Variants in IKZF1 observed in about 807,000 individuals in gnomAD.
IKZF1 encodes the protein IKAROS family zinc finger 1.
IKZF1 carries 10 observed loss-of-function variants against 51.7 expected under a neutral mutation model. The observed-to-expected ratio is 0.19, with a 90% confidence interval of 0.12 to 0.33. The LOEUF (loss-of-function observed/expected upper bound fraction) is 0.33, where lower values mean the gene tolerates loss of function less well. Ranked by LOEUF, IKZF1 falls within the 10% of genes least tolerant of loss-of-function variation. IKZF1 has a pLI of 1.00. For missense variants in IKZF1, 484 were observed against 707.5 expected (o/e 0.68, Z 3.58); for synonymous variants, 280 against 282.3 (o/e 0.99, Z 0.08).
At chr7:50,375,161 A>G (rs1201602732) in intron 3 of IKZF1, among the ~76,000 whole-genome samples, 3 of 152,286 alleles carry the variant, frequency 2.0e-5, no homozygotes, top group South Asian at 4.1e-4. Context: ...GTGGCTCACA[A>G]CTGTAATCTC....
intron 4 of IKZF1, among the ~76,000 whole-genome samples, chr7:50,380,925 G>A (rs1340744544): frequency 6.6e-6 from 1 of 152,118 alleles, no homozygotes; most frequent in Non-Finnish European, 1.5e-5. Flanking sequence ...TAGTTAGTTT[G>A]TTTCACCATC....
intron 3 of IKZF1, among the ~76,000 whole-genome samples, chr7:50,358,502 A>G (rs1247362210): frequency 2.0e-5 from 3 of 152,188 alleles, no homozygotes; most frequent in Non-Finnish European, 4.4e-5. Context: ...CTCCAGCTGT[A>G]TGGTGACATG....
intron 3 of IKZF1, among the ~76,000 whole-genome samples, chr7:50,339,331 A>G (rs1798532039): frequency 1.3e-5 from 2 of 151,666 alleles, no homozygotes; most frequent in Admixed American, 6.6e-5. Context: ...GTCCAACAGA[A>G]GAGTTGGTTC....
intron 3 of IKZF1, among the ~76,000 whole-genome samples, chr7:50,335,319 G>T (rs1198166516): frequency 2.8e-5 from 4 of 140,778 alleles, no homozygotes; most frequent in African/African-American, 1.1e-4. Context: ...GTGGTATGTG[G>T]TGTGTATGTG....
At position 50,311,470 on chromosome 7, in the gene IKZF1, C is replaced by A. The variant is rs1160107131; in HGVS notation, c.-15+6548C>A. On this transcript the variant is annotated intron_variant, in intron 1 of 7. Coordinates refer to ENST00000331340, the MANE Select transcript of IKZF1 (RefSeq NM_006060.6). ...ATGTGTCCTCAGTGGGCCAATCAAT[C>A]AATCATGACTTCAGGTTATTTTTAA... Among the ~76,000 whole-genome samples, 4 of 152,284 alleles carry A rather than the reference C, an allele frequency of 2.6e-5. No individual in the cohort carries two copies. In the East Asian group the frequency reaches 7.7e-4, roughly 29 times the overall value.
intron 2 of IKZF1, among the ~76,000 whole-genome samples, chr7:50,325,844 A>G (rs1043091166): frequency 3.3e-5 from 5 of 152,038 alleles, no homozygotes; most frequent in Non-Finnish European, 5.9e-5. Context: ...CCAAGGCTTT[A>G]GCATAACATG....
chr7:50,367,202 A>G (rs534090372), intron 3 of IKZF1, among the ~76,000 whole-genome samples: 2 of 152,316 alleles, frequency 1.3e-5, no homozygotes, highest in Admixed American at 1.3e-4. Context: ...AGGTCACCTC[A>G]GAGTCTTTAC....
At chr7:50,342,867 G>C (rs964741496) in intron 3 of IKZF1, among the ~76,000 whole-genome samples, 5 of 152,200 alleles carry the variant, frequency 3.3e-5, no homozygotes, top group Admixed American at 3.3e-4. Flanking sequence ...AGGAGACAGC[G>C]TGTGCTCCTG....
intron 3 of IKZF1, among the ~76,000 whole-genome samples, chr7:50,347,842 G>A (rs1383505221): frequency 6.6e-6 from 1 of 152,162 alleles, no homozygotes; most frequent in Admixed American, 6.5e-5. Context: ...GGAAACCAGG[G>A]AGAAAGTGTG....
chr7:50,387,243 T>G (rs1014144741), intron 5 of IKZF1, 102 bp from the exon 6 acceptor site: 73 of 1,408,018 alleles, frequency 5.2e-5, no homozygotes, highest in Non-Finnish European at 6.3e-5. Flanking sequence ...AGGGTAGAAT[T>G]TTTTTTTTAA....
intron 3 of IKZF1, among the ~76,000 whole-genome samples, chr7:50,343,504 A>G (rs1030746396): frequency 3.9e-5 from 6 of 152,166 alleles, no homozygotes; most frequent in Non-Finnish European, 8.8e-5. Context: ...AAGAGTCACA[A>G]CTACACAAAT....
intron 3 of IKZF1, among the ~76,000 whole-genome samples, chr7:50,342,883 G>A (rs1243919757): frequency 6.6e-6 from 1 of 152,210 alleles, no homozygotes; most frequent in Non-Finnish European, 1.5e-5. Context: ...TCCTGTGGCG[G>A]CTGCATTTCC....
rs749089586 is a variant in IKZF1, at chr7:50,368,132, C to T, written c.161-8401C>T. 8 of 703,300 alleles carry T rather than the reference C, an allele frequency of 1.1e-5. No homozygotes were observed. Among genetic ancestry groups the T allele is most frequent in the African/African-American group, 1.7e-5 (1 of 57,162 alleles). The allele number at this position is 703,300 out of a possible 1,614,324, so 43.6% of individuals were successfully genotyped here. A position where few individuals can be genotyped will look rare whatever the true frequency, so the allele number is the denominator to read the frequency against. The stretch of plus-strand genomic sequence containing the variant: ...CATCTCCTATCATGTAAATATCGTA[C>T]GTGCATGTTCCTTCATCAACCCCCG... On this transcript the variant is annotated intron_variant, in intron 3 of 7. Coordinates refer to ENST00000331340, the MANE Select transcript of IKZF1 (RefSeq NM_006060.6).
At chr7:50,340,593 G>A (rs1290520099) in intron 3 of IKZF1, among the ~76,000 whole-genome samples, 1 of 152,226 alleles carries the variant, frequency 6.6e-6, no homozygotes, top group Non-Finnish European at 1.5e-5. Flanking sequence ...TCTACAGGCA[G>A]CTATATGATC....
At chr7:50,332,375 A>G (rs1486900465) in intron 3 of IKZF1, among the ~76,000 whole-genome samples, 1 of 152,172 alleles carries the variant, frequency 6.6e-6, no homozygotes, top group Non-Finnish European at 1.5e-5. Flanking sequence ...ATTAACCAAG[A>G]GTCCTCAGCC....
At chr7:50,356,799 T>C (rs1474080933) in intron 3 of IKZF1, among the ~76,000 whole-genome samples, 1 of 152,124 alleles carries the variant, frequency 6.6e-6, no homozygotes, top group Non-Finnish European at 1.5e-5. Flanking sequence ...GAAACCCAGT[T>C]ACAAGATGAC....
intron 7 of IKZF1, 124 bp from the exon 8 acceptor site, chr7:50,399,794 G>T (rs1474228113): frequency 1.4e-6 from 2 of 1,412,872 alleles, no homozygotes; most frequent in Non-Finnish European, 1.9e-6. Context: ...GGGTCCGCAG[G>T]CGTGCTGGGC....
At chr7:50,375,282 G>A (rs1408411797) in intron 3 of IKZF1, among the ~76,000 whole-genome samples, 5 of 152,134 alleles carry the variant, frequency 3.3e-5, no homozygotes, top group Admixed American at 3.3e-4. Flanking sequence ...AAAATGGCTG[G>A]ATGTGGTGGT....
chr7:50,336,493 C>A (rs918689525), intron 3 of IKZF1, among the ~76,000 whole-genome samples: 2 of 152,188 alleles, frequency 1.3e-5, no homozygotes, highest in African/African-American at 4.8e-5. Flanking sequence ...GAAAGGGAAC[C>A]CTCAAACCTG....
Sources: allele counts gnomAD v4.1 joint callset (sites outside exome capture counted in the v4.1 genomes callset), GRCh38; gene constraint gnomAD v4.1.1; transcripts MANE v1.5; gene names NCBI Gene and HGNC (gene_info 2026-07-23, HGNC 2026-07-21).